The following PCSK2 variants were observed in gnomAD, a reference collection of about 807,000 sequenced individuals.
PCSK2 encodes the protein neuroendocrine convertase 2.
PCSK2 carries 14 observed loss-of-function variants against 69.7 expected under a neutral mutation model. The observed-to-expected ratio is 0.20, with a 90% confidence interval of 0.13 to 0.31. The LOEUF is 0.31. PCSK2 is among the 10% of genes least tolerant of loss of function. The pLI, the probability that PCSK2 is intolerant of heterozygous loss-of-function variation, is 1.00. For missense variants in PCSK2, 544 were observed against 842.5 expected (o/e 0.65, Z 4.39); for synonymous variants, 307 against 320.7 (o/e 0.96, Z 0.46).
At chr20:17,240,277 G>T (rs1246649299) in intron 1 of PCSK2, among the ~76,000 whole-genome samples, 1 of 152,050 alleles carries the variant, frequency 6.6e-6, no homozygotes, top group Non-Finnish European at 1.5e-5. Flanking sequence ...GATACAGGGA[G>T]ATATGAACAA....
intron 2 of PCSK2, among the ~76,000 whole-genome samples, chr20:17,277,757 G>GA (rs1446716114): frequency 6.6e-6 from 1 of 151,876 alleles, no homozygotes; most frequent in African/African-American, 2.4e-5. Flanking sequence ...CACAGCAAAA[G>GA]AAATTACCAT....
At chr20:17,396,245 C>G (rs1211454889) in intron 5 of PCSK2, among the ~76,000 whole-genome samples, 1 of 152,164 alleles carries the variant, frequency 6.6e-6, no homozygotes, top group Admixed American at 6.5e-5. Context: ...GACTGTACAC[C>G]CAGTCTTTGT....
chr20:17,306,814 GA>G (rs1274740044), intron 2 of PCSK2, among the ~76,000 whole-genome samples: 1 of 152,162 alleles, frequency 6.6e-6, no homozygotes, highest in African/African-American at 2.4e-5. Flanking sequence ...CTTTCCTGAG[GA>G]AATAGATGTC....
Position 17,453,614 on chromosome 20 carries a change from A to C in PCSK2, c.886-128A>C. On this transcript the variant is annotated intron_variant, in intron 8 of 11. Transcript: ENST00000262545. This position sits in a 1 kb window ranked among gnomAD's most constrained non-coding sequence, Gnocchi z 4.0. ...GCCAGAAGGATATGGTGTCCAACCC[A>C]GTTTAAAAAGTGCACCCAGTCTTTA... 1 of 878,230 alleles carries C rather than the reference A, an allele frequency of 1.1e-6. No individual in the cohort carries two copies. The highest frequency in any genetic ancestry group is 1.7e-5 in the African/African-American group (1 of 59,552). 54.4% of individuals were successfully genotyped at this position (878,230 alleles called of 1,614,324 possible).
At position 17,453,702 on chromosome 20, in the gene PCSK2, A is replaced by G. The variant is rs776822606; in HGVS notation, c.886-40A>G. Reference sequence around the variant, plus strand: ...GACCTCCCCTGCCCCCTCGCAGCCCAGGCTGTGGGTAGCGGCAGCGTCTCC... The same window carrying G: ...GACCTCCCCTGCCCCCTCGCAGCCCGGGCTGTGGGTAGCGGCAGCGTCTCC... On this transcript the variant is annotated intron_variant, in intron 8 of 11. Transcript: ENST00000262545. The surrounding 1 kb of genome is among the most constrained non-coding windows in gnomAD (Gnocchi z 4.0). 1 of 1,606,410 alleles carries G rather than the reference A, an allele frequency of 6.2e-7. No individual in the cohort carries two copies. Among genetic ancestry groups the G allele is most frequent in the Non-Finnish European group, 8.5e-7 (1 of 1,177,464 alleles).
chr20:17,399,110 A>T (rs1372502108), intron 5 of PCSK2, among the ~76,000 whole-genome samples: 2 of 152,246 alleles, frequency 1.3e-5, no homozygotes, highest in Non-Finnish European at 2.9e-5. Context: ...TCAACAGTCT[A>T]TGGAATGAAA....
chr20:17,317,301 T>C (rs184701252), intron 2 of PCSK2, among the ~76,000 whole-genome samples: 4 of 152,206 alleles, frequency 2.6e-5, no homozygotes, highest in Non-Finnish European at 5.9e-5. Context: ...TTTCCCCCTA[T>C]TAAACTTTAT....
intron 2 of PCSK2, among the ~76,000 whole-genome samples, chr20:17,327,121 C>G (rs1990079754): frequency 6.6e-6 from 1 of 152,208 alleles, no homozygotes; most frequent in African/African-American, 2.4e-5. Context: ...ACTTAAAAGT[C>G]CACAGCTACA....
chr20:17,383,107 C>A (rs1171526627), intron 5 of PCSK2, among the ~76,000 whole-genome samples: 2 of 152,214 alleles, frequency 1.3e-5, no homozygotes, highest in Non-Finnish European at 2.9e-5. Flanking sequence ...AGCACCATGG[C>A]TGGAACCAAG....
At chr20:17,439,996 C>T (rs920572408) in intron 8 of PCSK2, among the ~76,000 whole-genome samples, 4 of 152,204 alleles carry the variant, frequency 2.6e-5, no homozygotes, top group Non-Finnish European at 5.9e-5. Context: ...TGCTGGTCAA[C>T]GTCTCTGTCT....
intron 11 of PCSK2, among the ~76,000 whole-genome samples, chr20:17,471,153 G>A (rs909603759): frequency 3.9e-5 from 6 of 152,126 alleles, no homozygotes; most frequent in African/African-American, 9.7e-5. Context: ...GAATGAGGGC[G>A]TATGCTGAGA....
intron 2 of PCSK2, among the ~76,000 whole-genome samples, chr20:17,347,880 GA>G (rs1568612253): frequency 4.3e-4 from 1 of 2,314 alleles, no homozygotes; most frequent in Non-Finnish European, 1.2e-3. Flanking sequence ...AAAAAAGAAA[GA>G]AAGAAAGAAA....
intron 2 of PCSK2, among the ~76,000 whole-genome samples, chr20:17,322,812 G>A (rs1258682097): frequency 6.6e-6 from 1 of 152,146 alleles, no homozygotes; most frequent in East Asian, 1.9e-4. Flanking sequence ...CATGGAAGTG[G>A]CACCTTCATG....
At chr20:17,264,238 T>G (rs528793712) in intron 2 of PCSK2, among the ~76,000 whole-genome samples, 9 of 152,352 alleles carry the variant, frequency 5.9e-5, no homozygotes, top group African/African-American at 2.2e-4. Context: ...AATAATTTAA[T>G]TAAAAAATAA....
At chr20:17,363,108 C>T (rs182521391) in intron 4 of PCSK2, among the ~76,000 whole-genome samples, 1 of 152,242 alleles carries the variant, frequency 6.6e-6, no homozygotes, top group Non-Finnish European at 1.5e-5. Flanking sequence ...TACCTAAGGG[C>T]AAAACTAATG....
At chr20:17,355,400 GA>G (rs1328871573) in intron 2 of PCSK2, among the ~76,000 whole-genome samples, 1 of 152,146 alleles carries the variant, frequency 6.6e-6, no homozygotes, top group Non-Finnish European at 1.5e-5. Flanking sequence ...ATCCCTCAGT[GA>G]AAGTCAACCA....
intron 2 of PCSK2, among the ~76,000 whole-genome samples, chr20:17,263,467 A>G (rs559147153): frequency 6.6e-5 from 10 of 152,362 alleles, no homozygotes; most frequent in African/African-American, 2.4e-4. Flanking sequence ...TTTCAGTAAT[A>G]TCTTTGCACA....
chr20:17,246,746 C>G (rs1345163311), intron 1 of PCSK2, among the ~76,000 whole-genome samples: 5 of 151,314 alleles, frequency 3.3e-5, no homozygotes, highest in Admixed American at 6.6e-5. Flanking sequence ...TCAGACTATC[C>G]CATCCTTGCC....
intron 8 of PCSK2, among the ~76,000 whole-genome samples, chr20:17,443,659 C>T (rs930495903): frequency 1.3e-5 from 2 of 152,250 alleles, no homozygotes; most frequent in African/African-American, 2.4e-5. Context: ...ATGGTGGCAG[C>T]GCTCCACATC....
Sources: allele counts gnomAD v4.1 joint callset (sites outside exome capture counted in the v4.1 genomes callset), GRCh38; gene constraint gnomAD v4.1.1; non-coding constraint Gnocchi (gnomAD v3.1); transcripts MANE v1.5; gene names NCBI Gene and HGNC (gene_info 2026-07-23, HGNC 2026-07-21).